NUGGC: variants seen among roughly 807,000 people sequenced by gnomAD.
The protein encoded by NUGGC is nuclear GTPase, germinal center associated.
A neutral mutation model predicts 92.6 loss-of-function variants in NUGGC; 58 were observed. The ratio of observed to expected loss-of-function variants is 0.63; its 90% CI spans 0.51 to 0.78. The LOEUF (loss-of-function observed/expected upper bound fraction) is 0.78. NUGGC is among the 30% of genes least tolerant of loss of function. The probability of loss-of-function intolerance (pLI) is 0.00; values close to 1 mark genes in which losing one functional copy is unlikely to be tolerated. For missense variants in NUGGC, 925 were observed against 964.6 expected (o/e 0.96, Z 0.54); for synonymous variants, 376 against 366.4 (o/e 1.03, Z -0.30).
chr8:28,049,379 T>C (rs1809930566), intron 10 of NUGGC, among the ~76,000 whole-genome samples: 1 of 152,240 alleles, frequency 6.6e-6, no homozygotes, highest in Non-Finnish European at 1.5e-5. Context: ...GAAATTAATG[T>C]AGAATTAAGT....
At chr8:28,082,193 T>C (rs1431801011) in intron 1 of NUGGC, among the ~76,000 whole-genome samples, 1 of 152,214 alleles carries the variant, frequency 6.6e-6, no homozygotes, top group Non-Finnish European at 1.5e-5. Context: ...AAAAGAGGTA[T>C]GTTTTCAGCA....
chr8:28,053,083 C>G (rs1187991489), intron 10 of NUGGC, among the ~76,000 whole-genome samples: 2 of 151,522 alleles, frequency 1.3e-5, no homozygotes, highest in African/African-American at 4.9e-5. Context: ...CTATCCCACA[C>G]CCAGCCAAAA....
intron 1 of NUGGC, among the ~76,000 whole-genome samples, chr8:28,074,991 A>T (rs188754119): frequency 6.6e-6 from 1 of 152,308 alleles, no homozygotes; most frequent in East Asian, 1.9e-4. Context: ...AGGGTAACTC[A>T]CGCTGAAATG....
rs550681922 is a variant in NUGGC at position 28,049,466 on chromosome 8, G to A, written c.1207-1854C>T. Among the ~76,000 whole-genome samples the A allele has an allele frequency of 1.6e-3, 249 of 152,270 alleles. 1 individual carries two copies. Among genetic ancestry groups the A allele is most frequent in the Non-Finnish European group, 3.0e-3 (207 of 68,024 alleles). ...CAGATGTTTGCATTATTTAAAATCT[G>A]GACCTAAATCTTGTATAACTTTTCT... On this transcript the variant is annotated intron_variant, in intron 10 of 18. Transcript: ENST00000413272.
chr8:28,067,836 G>A, intron 5 of NUGGC, 92 bp from the exon 6 acceptor site: 1 of 944,900 alleles, frequency 1.1e-6, no homozygotes, highest in South Asian at 1.5e-5. Flanking sequence ...TGGAGGGCCA[G>A]GGGGCTGCAT....
intron 11 of NUGGC, among the ~76,000 whole-genome samples, chr8:28,046,117 G>A (rs1809826632): frequency 6.6e-6 from 1 of 152,138 alleles, no homozygotes. Context: ...GATTCTAGAT[G>A]TGACAGGATT....
rs900452567 is a variant in NUGGC, at chr8:28,023,164, G to C, written c.*153C>G. On this transcript the variant is annotated 3_prime_UTR_variant, in exon 19 of 19. Transcript: ENST00000413272. ...GAGGCTGGAGGATCGCTTGAGCCTA[G>C]GAGTTCGAGGCTGCAGTGAGCTGTG... 2 of 772,688 alleles carry C rather than the reference G, an allele frequency of 2.6e-6. No individual in the cohort carries two copies. The highest frequency in any genetic ancestry group is 2.0e-5 in the South Asian group (1 of 50,278). 47.9% of individuals were successfully genotyped at this position (772,688 alleles called of 1,614,324 possible).
At chr8:28,054,843 T>A (rs1156588723) in intron 10 of NUGGC, among the ~76,000 whole-genome samples, 2 of 148,572 alleles carry the variant, frequency 1.3e-5, no homozygotes, top group African/African-American at 5.0e-5. Flanking sequence ...AGCCCAAGAG[T>A]TTGAGACCAG....
intron 4 of NUGGC, 42 bp from the exon 5 acceptor site, chr8:28,068,480 T>A: frequency 7.3e-7 from 1 of 1,365,362 alleles, no homozygotes; most frequent in Non-Finnish European, 1.0e-6. Flanking sequence ...ATCATCAAAG[T>A]TTAGAGTGAA....
At chr8:28,076,528 C>T (rs1456427467) in intron 1 of NUGGC, among the ~76,000 whole-genome samples, 1 of 152,206 alleles carries the variant, frequency 6.6e-6, no homozygotes, top group East Asian at 1.9e-4. Context: ...AACTCCTGGA[C>T]TCAAGTGATC....
intron 14 of NUGGC, among the ~76,000 whole-genome samples, chr8:28,033,296 G>A (rs1037698120): frequency 2.6e-5 from 4 of 152,182 alleles, no homozygotes; most frequent in Non-Finnish European, 5.9e-5. Context: ...TGAGATATTT[G>A]AAAAATAATG....
chr8:28,073,904 T>C (rs1810653722), intron 2 of NUGGC, among the ~76,000 whole-genome samples: 1 of 152,092 alleles, frequency 6.6e-6, no homozygotes, highest in African/African-American at 2.4e-5. Flanking sequence ...GTTCAAGTGA[T>C]TCTCCTGCCT....
At chr8:28,035,629 G>A (rs879548795) in intron 13 of NUGGC, among the ~76,000 whole-genome samples, 5 of 152,038 alleles carry the variant, frequency 3.3e-5, no homozygotes, top group Non-Finnish European at 7.4e-5. Context: ...GGCCCTTGAT[G>A]GCCTAGCCTC....
At chr8:28,054,572 A>G (rs1810085742) in intron 10 of NUGGC, among the ~76,000 whole-genome samples, 1 of 152,220 alleles carries the variant, frequency 6.6e-6, no homozygotes. Context: ...ATAGGAGAAC[A>G]CTAAGTGCAG....
At chr8:28,029,204 C>G (rs977379299) in intron 17 of NUGGC, 62 bp downstream of exon 17, 2 of 1,542,934 alleles carry the variant, frequency 1.3e-6, no homozygotes, top group African/African-American at 1.4e-5. Context: ...CTTCTGCACT[C>G]GCTTCCTCTC....
In NUGGC at chr8:28,067,511, T is replaced by C; in HGVS notation, c.711+3A>G. The C allele has an allele frequency of 3.1e-6, 5 of 1,595,140 alleles. No individual in the cohort carries two copies. The highest frequency in any genetic ancestry group is 1.7e-5 in the Admixed American group (1 of 57,412). ...ATCAAGGAAAAAACGAACTTGACGC[T>C]ACCTCTTCCGCCTTGAGGGTGATGA... On this transcript the variant is annotated splice_donor_region_variant and intron_variant, in intron 6 of 18. Coordinates refer to ENST00000413272, the MANE Select transcript of NUGGC (RefSeq NM_001010906.2).
intron 2 of NUGGC, among the ~76,000 whole-genome samples, chr8:28,071,551 G>A (rs758276251): frequency 2.6e-5 from 4 of 152,170 alleles, no homozygotes; most frequent in Admixed American, 6.5e-5. Flanking sequence ...TAATAAGCAA[G>A]AACAGAAATC....
intron 10 of NUGGC, among the ~76,000 whole-genome samples, chr8:28,055,525 T>C (rs971851467): frequency 6.6e-6 from 1 of 152,072 alleles, no homozygotes. Flanking sequence ...CTCAGAGAGG[T>C]AACTGAAGCA....
intron 5 of NUGGC, 89 bp downstream of exon 5, chr8:28,068,127 G>C (rs1563229985): frequency 1.4e-6 from 1 of 740,522 alleles, no homozygotes; most frequent in African/African-American, 1.8e-5. Context: ...AGGAAGGAAG[G>C]AAGAAAGAAA....
Sources: allele counts gnomAD v4.1 joint callset (sites outside exome capture counted in the v4.1 genomes callset), GRCh38; gene constraint gnomAD v4.1.1; transcripts MANE v1.5; gene names NCBI Gene and HGNC (gene_info 2026-07-23, HGNC 2026-07-21).